The following CLXN variants were observed in gnomAD, a reference collection of about 807,000 sequenced individuals.
The protein encoded by CLXN is calaxin.
At chr8:48,717,280 G>T in the CLXN span, among the ~76,000 whole-genome samples, 1 of 152,164 alleles carries the variant, frequency 6.6e-6, no homozygotes, top group African/African-American at 2.4e-5. Flanking sequence ...TTTGAAAGCA[G>T]CAAGAGAAAG....
the CLXN span, chr8:48,724,168 C>T: frequency 9.9e-5 from 15 of 152,242 alleles, no homozygotes; most frequent in East Asian, 2.7e-3. Flanking sequence ...CAATCAGTAA[C>T]GTTATTTAGC....
chr8:48,727,013 A>G, the CLXN span, among the ~76,000 whole-genome samples: 2 of 148,142 alleles, frequency 1.4e-5, no homozygotes, highest in Non-Finnish European at 3.0e-5. Flanking sequence ...CCATCCATCC[A>G]TCCATCCATC....
the CLXN span, chr8:48,729,138 G>T: frequency 1.2e-6 from 2 of 1,611,754 alleles, no homozygotes; most frequent in Non-Finnish European, 1.7e-6. Context: ...TCCCATCATG[G>T]TCATGATCCT....
the CLXN span, among the ~76,000 whole-genome samples, chr8:48,726,322 GCCATTCACCTCAT>G: frequency 1.9e-4 from 24 of 128,060 alleles, 1 homozygote; most frequent in African/African-American, 6.4e-4. Context: ...TACCTACACA[GCCATTCACCTCAT>G]CCATCCACCC....
chr8:48,731,465 A>C, the CLXN span: 1 of 1,613,024 alleles, frequency 6.2e-7, no homozygotes, highest in Non-Finnish European at 8.5e-7. Context: ...ACCAAGTCAT[A>C]AAAAAGCTTT....
chr8:48,735,141 T>C, the CLXN span: 1 of 1,614,134 alleles, frequency 6.2e-7, no homozygotes, highest in South Asian at 1.1e-5. Flanking sequence ...CTGCAGTTTC[T>C]TGCGGTTCAT....
the CLXN span, among the ~76,000 whole-genome samples, chr8:48,719,275 T>C: frequency 6.6e-6 from 1 of 152,094 alleles, no homozygotes; most frequent in Admixed American, 6.5e-5. Context: ...GAATCAGTAA[T>C]CAGAAAGTTC....
At chr8:48,729,500 G>A in the CLXN span, among the ~76,000 whole-genome samples, 1 of 151,530 alleles carries the variant, frequency 6.6e-6, no homozygotes, top group East Asian at 1.9e-4. Context: ...TCTAGTCTGG[G>A]AGACAGAGCG....
the CLXN span, among the ~76,000 whole-genome samples, chr8:48,723,058 A>G: frequency 6.6e-6 from 1 of 152,172 alleles, no homozygotes; most frequent in African/African-American, 2.4e-5. Flanking sequence ...TGAAAGATGA[A>G]TAAGTTCTGG....
the CLXN span, chr8:48,724,909 G>A: frequency 2.5e-6 from 2 of 808,312 alleles, no homozygotes; most frequent in Non-Finnish European, 3.8e-6. Flanking sequence ...GAGGGTTAGT[G>A]GGCATCGAGA....
chr8:48,727,713 T>G, the CLXN span, among the ~76,000 whole-genome samples: 1 of 152,294 alleles, frequency 6.6e-6, no homozygotes, highest in South Asian at 2.1e-4. Context: ...GGGAGGGGCC[T>G]GGCAGCATTT....
chr8:48,724,853 C>A, the CLXN span: 10 of 1,473,598 alleles, frequency 6.8e-6, no homozygotes, highest in Non-Finnish European at 9.4e-6. Context: ...AGGTAGAACA[C>A]CACAAAATAT....
At chr8:48,713,235 T>C in the CLXN span, among the ~76,000 whole-genome samples, 1 of 152,154 alleles carries the variant, frequency 6.6e-6, no homozygotes, top group Non-Finnish European at 1.5e-5. Flanking sequence ...TACCAAACCA[T>C]CCTCACAACT....
chr8:48,735,219 G>A, the CLXN span: 5 of 1,581,222 alleles, frequency 3.2e-6, no homozygotes, highest in Admixed American at 1.7e-5. Flanking sequence ...ACCCTCGCGG[G>A]ACCCCCGCGA....
chr8:48,724,739 T>TA, the CLXN span: 1 of 1,607,796 alleles, frequency 6.2e-7, no homozygotes. Flanking sequence ...GACATTTAGT[T>TA]ATTCACATAT....
the CLXN span, among the ~76,000 whole-genome samples, chr8:48,732,996 A>G: frequency 6.6e-6 from 1 of 152,188 alleles, no homozygotes; most frequent in Admixed American, 6.5e-5. Context: ...ACTGGGAACA[A>G]TGAACAAGTT....
chr8:48,724,557 A>G, the CLXN span: 1 of 457,280 alleles, frequency 2.2e-6, no homozygotes, highest in African/African-American at 2.0e-5. Flanking sequence ...CTAATAAGGG[A>G]CTTCTTGTCT....
At chr8:48,731,016 A>C in the CLXN span, among the ~76,000 whole-genome samples, 1 of 152,296 alleles carries the variant, frequency 6.6e-6, no homozygotes, top group Non-Finnish European at 1.5e-5. Flanking sequence ...ATATCTTGTC[A>C]CTGAAATATC....
At chr8:48,729,877 TA>T in the CLXN span, 5 of 1,599,748 alleles carry the variant, frequency 3.1e-6, no homozygotes, top group Non-Finnish European at 4.3e-6. Context: ...GCAATCTTTT[TA>T]AGAAAATAAC....
Sources: gnomAD v4.1 joint callset for allele counts (sites outside exome capture counted in the v4.1 genomes callset) on GRCh38, gnomAD v4.1.1 for gene constraint, MANE v1.5 for transcripts, NCBI Gene and HGNC (gene_info 2026-07-23, HGNC 2026-07-21) for gene names.